TMTC4: variants seen among roughly 807,000 people sequenced by gnomAD.
The protein encoded by TMTC4 is protein O-mannosyl-transferase TMTC4.
A neutral mutation model predicts 86.0 loss-of-function variants in TMTC4; 65 were observed. The ratio of observed to expected loss-of-function variants is 0.76; its 90% CI spans 0.62 to 0.93. The LOEUF is 0.93. TMTC4 is among the 40% of genes least tolerant of loss of function. TMTC4 has a pLI of 0.00. For missense variants in TMTC4, 866 were observed against 948.1 expected (o/e 0.91, Z 1.14); for synonymous variants, 379 against 382.5 (o/e 0.99, Z 0.11).
intron 6 of TMTC4, among the ~76,000 whole-genome samples, chr13:100,648,328 TG>T (rs1241281427): frequency 6.6e-6 from 1 of 151,570 alleles, no homozygotes; most frequent in Non-Finnish European, 1.5e-5. Flanking sequence ...AAGCTTAGTA[TG>T]AAAAAAAAAA....
intron 17 of TMTC4, among the ~76,000 whole-genome samples, 191 bp downstream of exon 17, chr13:100,612,207 G>A (rs1877700059): frequency 6.6e-6 from 1 of 152,210 alleles, no homozygotes; most frequent in Admixed American, 6.5e-5. Flanking sequence ...GATGAGAAAG[G>A]ACACTGGGTT....
At chr13:100,627,451 G>C (rs1487266439) in intron 12 of TMTC4, among the ~76,000 whole-genome samples, 1 of 152,144 alleles carries the variant, frequency 6.6e-6, no homozygotes, top group Non-Finnish European at 1.5e-5. Context: ...TGAGGGAAGA[G>C]ACTGCTCCCT....
chr13:100,610,329 G>A (rs967116783), intron 17 of TMTC4, among the ~76,000 whole-genome samples: 1 of 152,200 alleles, frequency 6.6e-6, no homozygotes, highest in African/African-American at 2.4e-5. Context: ...AACAAGCAGT[G>A]CCAGGGATGC....
chr13:100,618,148 G>A (rs1282564668), intron 15 of TMTC4, among the ~76,000 whole-genome samples: 1 of 152,058 alleles, frequency 6.6e-6, no homozygotes, highest in Non-Finnish European at 1.5e-5. Context: ...AATGTGATTG[G>A]CATATAGATA....
rs61730956 is a variant in TMTC4, at chr13:100,606,369, T to C, written c.2123A>G (p.His708Arg). The change falls in exon 18 of 19, where the codon CAT becomes CGT. Residue 708 changes from histidine to arginine, a missense_variant. By Grantham distance (29) the His-to-Arg change is conservative (BLOSUM62 0). Transcript: ENST00000342624. ...IKANPNAASY[H>R]GNLAVLYHRW... ...AACATTTTTCTTACCCAAATTACCA[T>C]GGTAACTTGCAGCATTTGGATTTGC... 4,269 of 1,613,382 alleles carry C rather than the reference T, an allele frequency of 2.6e-3. 7 individuals carry two copies. The highest frequency in any genetic ancestry group is 3.1e-3 in the Non-Finnish European group (3,701 of 1,179,820).
chr13:100,625,893 C>G lies in TMTC4; in HGVS notation c.1587-1G>C. 3 of 1,610,864 alleles carry G rather than the reference C, an allele frequency of 1.9e-6. No homozygotes were observed. The highest frequency in any genetic ancestry group is 2.5e-6 in the Non-Finnish European group (3 of 1,179,388). ...GGCATGAACATACTTGGGATTTAAT[C>G]TGAAAGTTGAGAAAAAACCAAGCTG... On this transcript the variant is annotated splice_acceptor_variant, in intron 13 of 18. Coordinates refer to ENST00000342624, the MANE Select transcript of TMTC4 (RefSeq NM_032813.5). LOFTEE classifies it high-confidence loss of function.
intron 7 of TMTC4, among the ~76,000 whole-genome samples, chr13:100,639,677 C>T (rs981601447): frequency 6.6e-6 from 1 of 152,164 alleles, no homozygotes; most frequent in Non-Finnish European, 1.5e-5. Context: ...TGGTGGCTCA[C>T]GCCTGTAATC....
chr13:100,651,573 C>T (rs1594340850), intron 6 of TMTC4, among the ~76,000 whole-genome samples: 1 of 142,188 alleles, frequency 7.0e-6, no homozygotes, highest in Non-Finnish European at 1.5e-5. Flanking sequence ...TCTGAAAATA[C>T]TAGGATTCCA....
At chr13:100,614,751 T>C in intron 15 of TMTC4, 1 of 252,726 alleles carries the variant, frequency 4.0e-6, no homozygotes, top group Non-Finnish European at 6.2e-6. Context: ...TAATGTCCTA[T>C]TTCCTGTTAT....
rs537689189 is a variant in TMTC4 at position 100,668,353 on chromosome 13, G to A, written c.219+226C>T. 5.1e-5 allele frequency: 28 copies of A among 551,798 alleles called. 2 individuals carry two copies. The South Asian group carries it at 5.7e-4, about 11-fold the overall frequency. 34.2% of individuals were successfully genotyped at this position (551,798 alleles called of 1,614,324 possible). A position where few individuals can be genotyped will look rare whatever the true frequency, so the allele number is the denominator to read the frequency against. On this transcript the variant is annotated intron_variant, in intron 3 of 18. Transcript: ENST00000342624. Reference sequence around the variant, plus strand: ...TCCATATGTGGACTGGAGCTCTTGAGGGGAGTGCCTGAGCTGAGGCAGGGG... The same window carrying A: ...TCCATATGTGGACTGGAGCTCTTGAAGGGAGTGCCTGAGCTGAGGCAGGGG...
chr13:100,612,644 G>T, intron 16 of TMTC4, 134 bp from the exon 17 acceptor site: 105 of 521,876 alleles, frequency 2.0e-4, no homozygotes, highest in East Asian at 4.1e-4. Context: ...AATCTGTGTA[G>T]ATCATGTAAT....
chr13:100,621,716 C>T (rs995059842), intron 15 of TMTC4, among the ~76,000 whole-genome samples: 12 of 152,162 alleles, frequency 7.9e-5, no homozygotes, highest in African/African-American at 1.2e-4. Context: ...TGAGCCACCG[C>T]GCCCAACCAA....
At chr13:100,624,630 A>G (rs9554711) in intron 15 of TMTC4, among the ~76,000 whole-genome samples, 50,423 of 152,128 alleles carry the variant, frequency 0.33, 8,690 homozygotes, top group East Asian at 0.59. Flanking sequence ...GGCCTTTAAA[A>G]CGAGGGCAGC....
chr13:100,626,050 T>C (rs768435648), intron 13 of TMTC4, 21 bp downstream of exon 13: 44 of 1,614,016 alleles, frequency 2.7e-5, no homozygotes, highest in Non-Finnish European at 3.6e-5. Context: ...ATAATTCTTC[T>C]GTAAGACATA....
intron 17 of TMTC4, among the ~76,000 whole-genome samples, chr13:100,608,214 T>C (rs1243084373): frequency 6.6e-6 from 1 of 152,184 alleles, no homozygotes; most frequent in African/African-American, 2.4e-5. Context: ...AGGACGAACA[T>C]CATTCAGGAC....
At chr13:100,658,225 A>G (rs1328486699) in intron 5 of TMTC4, among the ~76,000 whole-genome samples, 1 of 152,196 alleles carries the variant, frequency 6.6e-6, no homozygotes, top group African/African-American at 2.4e-5. Flanking sequence ...GCAGCTGACT[A>G]TGAGTTCCCT....
chr13:100,639,393 C>T (rs77078221), intron 7 of TMTC4, among the ~76,000 whole-genome samples: 11,136 of 152,302 alleles, frequency 0.073, 502 homozygotes, highest in Non-Finnish European at 0.11. Flanking sequence ...TTGAAAACCA[C>T]TTTCTAGAAG....
intron 15 of TMTC4, chr13:100,615,061 G>T (rs762901543): frequency 2.2e-5 from 8 of 368,924 alleles, no homozygotes; most frequent in Non-Finnish European, 2.6e-5. Context: ...TGGCAATTTT[G>T]AGTTTGTTTG....
In TMTC4 at chr13:100,674,171, G is replaced by A. The variant is rs1240696256; in HGVS notation, c.-208+573C>T. ...GGGAAGCGGCGGCTCGGTGGCCCCG[G>A]GCGCCCGGGCCGGTGGCCCCGCGCT... On this transcript the variant is annotated intron_variant, in intron 1 of 18. Coordinates refer to ENST00000342624, the MANE Select transcript of TMTC4 (RefSeq NM_032813.5). The A allele has an allele frequency of 2.2e-5, 21 of 973,306 alleles. No homozygotes were observed. In the East Asian group the frequency reaches 8.0e-4, roughly 37 times the overall value. 60.3% of individuals were successfully genotyped at this position (973,306 alleles called of 1,614,324 possible). A position where few individuals can be genotyped will look rare whatever the true frequency, so the allele number is the denominator to read the frequency against.
Sources: allele counts gnomAD v4.1 joint callset (sites outside exome capture counted in the v4.1 genomes callset), GRCh38; gene constraint gnomAD v4.1.1; transcripts MANE v1.5; gene names NCBI Gene and HGNC (gene_info 2026-07-23, HGNC 2026-07-21).